The following LRRC7 variants were observed in gnomAD, a reference collection of about 807,000 sequenced individuals.
The protein encoded by LRRC7 is leucine-rich repeat-containing protein 7.
A neutral mutation model predicts 175.7 loss-of-function variants in LRRC7; 23 were observed. The observed-to-expected ratio is 0.13, with a 90% CI of 0.09 to 0.19. LRRC7 has a LOEUF of 0.19. Among genes scored for constraint, LRRC7 ranks in the 10% least tolerant of loss-of-function variants. The pLI, the probability that LRRC7 is intolerant of heterozygous loss-of-function variation, is 1.00. For synonymous variants in LRRC7, 685 were observed against 680.9 expected (o/e 1.01, Z -0.09); for missense variants, 1,354 against 1,904.7 (o/e 0.71, Z 5.38).
chr1:69,907,729 G>T (rs755506021), intron 7 of LRRC7, among the ~76,000 whole-genome samples: 4 of 151,922 alleles, frequency 2.6e-5, no homozygotes, highest in East Asian at 3.9e-4. Context: ...TCTCTTTTTT[G>T]GTTGTGTCTC....
chr1:69,659,363 A>C (rs1371871712), intron 1 of LRRC7, among the ~76,000 whole-genome samples: 1 of 151,998 alleles, frequency 6.6e-6, no homozygotes, highest in Non-Finnish European at 1.5e-5. Context: ...AAAAATATTC[A>C]AAGATAAAAT....
At chr1:70,029,286 C>T (rs186693677) in intron 18 of LRRC7, among the ~76,000 whole-genome samples, 85 of 152,166 alleles carry the variant, frequency 5.6e-4, no homozygotes, top group African/African-American at 2.0e-3. Flanking sequence ...AAAATATGAT[C>T]ACATGGTTAG....
intron 5 of LRRC7, among the ~76,000 whole-genome samples, chr1:69,829,978 G>T (rs879444265): frequency 1.3e-5 from 2 of 151,620 alleles, no homozygotes; most frequent in African/African-American, 2.4e-5. Flanking sequence ...TCCTCAATGG[G>T]AAAAGCAAGA....
chr1:69,906,754 G>C (rs1272698636), intron 7 of LRRC7, among the ~76,000 whole-genome samples: 4 of 152,020 alleles, frequency 2.6e-5, no homozygotes, highest in African/African-American at 9.7e-5. Flanking sequence ...CTCTTTTTTG[G>C]TTCCATATGA....
rs538816777 is a variant in LRRC7 at position 69,588,205 on chromosome 1, AGACT to A, written c.2+19568_2+19571del. ...GTGATTTACATACATTTCTACTGTA[AGACT>A]GACCATGTTATATTTTAATTGTTGA... On this transcript the variant is annotated intron_variant, in intron 1 of 26. Transcript: ENST00000651989. 1.1e-4 allele frequency among the ~76,000 whole-genome samples: 17 copies of A among 152,264 alleles called. No homozygotes were observed. In the East Asian group the frequency reaches 3.3e-3, roughly 29 times the overall value.
At position 70,126,642 on chromosome 1, in the gene LRRC7, A is replaced by G. The variant is rs562297577; in HGVS notation, c.*4755A>G. ...TACCCAAAGAATACATTATAGCAAG[A>G]AAACAGAATGTGGGCTGTGGACAAA... On this transcript the variant is annotated 3_prime_UTR_variant, in exon 27 of 27. Transcript: ENST00000651989. 5.9e-5 allele frequency among the ~76,000 whole-genome samples: 9 copies of G among 152,334 alleles called. No homozygotes were observed. Among genetic ancestry groups the G allele is most frequent in the African/African-American group, 2.2e-4 (9 of 41,580 alleles).
intron 7 of LRRC7, among the ~76,000 whole-genome samples, chr1:69,929,675 T>G (rs1467345178): frequency 6.6e-6 from 1 of 152,224 alleles, no homozygotes; most frequent in Non-Finnish European, 1.5e-5. Flanking sequence ...TAGCCTTCTC[T>G]TTGATCTTCC....
At chr1:70,120,011 C>T (rs1224966382) in intron 26 of LRRC7, among the ~76,000 whole-genome samples, 1 of 152,038 alleles carries the variant, frequency 6.6e-6, no homozygotes, top group Non-Finnish European at 1.5e-5. Flanking sequence ...CTCAAAGCTA[C>T]AGTGGAATAA....
At chr1:70,110,932 A>G (rs944262110) in intron 26 of LRRC7, among the ~76,000 whole-genome samples, 3 of 151,982 alleles carry the variant, frequency 2.0e-5, no homozygotes, top group Non-Finnish European at 4.4e-5. Flanking sequence ...AATGCTGGGA[A>G]AAAATGGGTT....
chr1:69,752,899 C>T lies in LRRC7; in HGVS notation c.101-7292C>T, dbSNP rs567655578. 6.6e-5 allele frequency among the ~76,000 whole-genome samples: 10 copies of T among 152,114 alleles called. No individual in the cohort carries two copies. The South Asian group carries it at 2.1e-3, about 32-fold the overall frequency. ...AGATGAATACCTGTTTTCTTCTTGC[C>T]TTTTTTAATCCCTTTGAAAAACTGT... On this transcript the variant is annotated intron_variant, in intron 2 of 26. Coordinates refer to ENST00000651989, the MANE Select transcript of LRRC7 (RefSeq NM_001370785.2).
chr1:70,060,709 A>T (rs1230133279), intron 23 of LRRC7, among the ~76,000 whole-genome samples: 1 of 152,236 alleles, frequency 6.6e-6, no homozygotes, highest in Non-Finnish European at 1.5e-5. Flanking sequence ...TACATATAAG[A>T]GATGCGGAAA....
intron 1 of LRRC7, among the ~76,000 whole-genome samples, chr1:69,655,272 G>C (rs1656441678): frequency 6.6e-6 from 1 of 152,016 alleles, no homozygotes; most frequent in Non-Finnish European, 1.5e-5. Flanking sequence ...AAACCAACCT[G>C]TGTTTTATTT....
intron 2 of LRRC7, among the ~76,000 whole-genome samples, chr1:69,744,495 G>C (rs1669052709): frequency 6.6e-6 from 1 of 151,790 alleles, no homozygotes; most frequent in Non-Finnish European, 1.5e-5. Flanking sequence ...AGCTTGTTTT[G>C]TTCTCCATAT....
intron 3 of LRRC7, among the ~76,000 whole-genome samples, chr1:69,779,149 C>T (rs1270340370): frequency 2.0e-5 from 3 of 151,960 alleles, no homozygotes; most frequent in Non-Finnish European, 4.4e-5. Context: ...ATAGACAAAG[C>T]CAGTAGTTTT....
chr1:69,776,704 GGGGTGTGTGT>G (rs1672847872), intron 3 of LRRC7, among the ~76,000 whole-genome samples: 1 of 151,610 alleles, frequency 6.6e-6, no homozygotes, highest in Admixed American at 6.6e-5. Flanking sequence ...TTTTCATTTT[GGGGTGTGTGT>G]GGGTGTGTGT....
intron 8 of LRRC7, among the ~76,000 whole-genome samples, chr1:69,941,456 C>A (rs760976557): frequency 6.6e-6 from 1 of 151,938 alleles, no homozygotes; most frequent in Non-Finnish European, 1.5e-5. Flanking sequence ...TTGCAGTAAT[C>A]TAGGCAGGAA....
intron 8 of LRRC7, among the ~76,000 whole-genome samples, chr1:69,944,728 C>A (rs1310954546): frequency 6.6e-6 from 1 of 151,538 alleles, no homozygotes; most frequent in African/African-American, 2.4e-5. Flanking sequence ...GGTGATTTCT[C>A]ATTGTGGTTT....
intron 24 of LRRC7, among the ~76,000 whole-genome samples, chr1:70,081,001 T>C (rs1215228093): frequency 1.3e-5 from 2 of 152,214 alleles, no homozygotes; most frequent in African/African-American, 2.4e-5. Flanking sequence ...ATGCTTTATA[T>C]AAATTGTTCT....
intron 22 of LRRC7, among the ~76,000 whole-genome samples, chr1:70,048,018 T>C (rs751238358): frequency 6.6e-6 from 1 of 152,066 alleles, no homozygotes; most frequent in Non-Finnish European, 1.5e-5. Flanking sequence ...ATTTATTTAC[T>C]GCCTTTCCAA....
Sources: allele counts gnomAD v4.1 joint callset (sites outside exome capture counted in the v4.1 genomes callset), GRCh38; gene constraint gnomAD v4.1.1; transcripts MANE v1.5; gene names NCBI Gene and HGNC (gene_info 2026-07-23, HGNC 2026-07-21).